FGF14: variants seen among roughly 807,000 people sequenced by gnomAD.
FGF14 encodes the protein fibroblast growth factor 14.
A neutral mutation model predicts 25.5 loss-of-function variants in FGF14; 5 were observed. That is an observed-to-expected ratio of 0.20 (90% CI 0.10 to 0.41). FGF14 has a LOEUF of 0.41. Among genes scored for constraint, FGF14 ranks in the 10% least tolerant of loss-of-function variants. The pLI is 1.00. For missense variants in FGF14, 222 were observed against 320.1 expected (o/e 0.69, Z 2.34); for synonymous variants, 138 against 118.3 (o/e 1.17, Z -1.08).
At chr13:101,759,256 G>A (rs758987059) in intron 3 of FGF14, among the ~76,000 whole-genome samples, 10 of 152,118 alleles carry the variant, frequency 6.6e-5, no homozygotes, top group Non-Finnish European at 1.2e-4. Flanking sequence ...CCAATGAGAT[G>A]CTCTCAACTG....
intron 3 of FGF14, among the ~76,000 whole-genome samples, chr13:101,827,456 G>C (rs920980513): frequency 4.0e-5 from 6 of 151,690 alleles, no homozygotes; most frequent in African/African-American, 1.5e-4. Context: ...AAAGTATAGT[G>C]TATCATCCTT....
At chr13:102,343,167 G>C (rs1304764897) in intron 1 of FGF14, among the ~76,000 whole-genome samples, 1 of 152,108 alleles carries the variant, frequency 6.6e-6, no homozygotes, top group African/African-American at 2.4e-5. Context: ...TAAGAGCTTA[G>C]AGTCAAAGAG....
intron 1 of FGF14, among the ~76,000 whole-genome samples, chr13:102,322,982 A>G (rs1254278897): frequency 1.3e-5 from 2 of 152,186 alleles, no homozygotes; most frequent in African/African-American, 4.8e-5. Flanking sequence ...TTTCTCACAA[A>G]TTGATCCTTA....
chr13:102,061,165 C>T (rs745740350), intron 1 of FGF14, among the ~76,000 whole-genome samples: 2 of 152,216 alleles, frequency 1.3e-5, no homozygotes, highest in Non-Finnish European at 2.9e-5. Context: ...TTATGTGACC[C>T]GATTTTTCCA....
At chr13:101,850,288 A>C (rs1321692743) in intron 3 of FGF14, among the ~76,000 whole-genome samples, 6,368 of 134,668 alleles carry the variant, frequency 0.047, 483 homozygotes, top group East Asian at 0.085. Context: ...CCAAAAAAAA[A>C]AAAAAAAAAA....
At chr13:101,961,037 A>T (rs936454048) in intron 1 of FGF14, among the ~76,000 whole-genome samples, 2 of 150,810 alleles carry the variant, frequency 1.3e-5, no homozygotes. Flanking sequence ...TTTTAATGGG[A>T]TTTTTTTGTA....
chr13:101,894,699 A>G (rs935238294), intron 1 of FGF14, among the ~76,000 whole-genome samples: 6 of 152,208 alleles, frequency 3.9e-5, no homozygotes, highest in Non-Finnish European at 7.3e-5. Flanking sequence ...CTAGCTTCCT[A>G]TCATGGTTTG....
intron 1 of FGF14, chr13:102,395,431 A>T (rs115625393): frequency 7.0e-4 from 107 of 152,288 alleles, no homozygotes; most frequent in African/African-American, 2.5e-3. Flanking sequence ...AGTAGACTAC[A>T]GGCCTTGAGA....
intron 1 of FGF14, among the ~76,000 whole-genome samples, chr13:102,374,146 C>T (rs2057965698): frequency 6.6e-6 from 1 of 152,068 alleles, no homozygotes; most frequent in African/African-American, 2.4e-5. Flanking sequence ...TTTGGATATA[C>T]AAATTAGGAA....
At chr13:101,815,062 A>T (rs917340581) in intron 3 of FGF14, among the ~76,000 whole-genome samples, 10 of 152,350 alleles carry the variant, frequency 6.6e-5, no homozygotes, top group Admixed American at 6.5e-4. Context: ...GCCTCATGCT[A>T]TCAAGTGGAA....
rs558751959 is a variant in FGF14, at chr13:102,088,156, T to C, written c.209-212860A>G. Among the ~76,000 whole-genome samples, 5 of 152,336 alleles carry C rather than the reference T, an allele frequency of 3.3e-5. No individual in the cohort carries two copies. In the East Asian group the frequency reaches 9.6e-4, roughly 29 times the overall value. On this transcript the variant is annotated intron_variant, in intron 1 of 4. Transcript: ENST00000376131. ...CTTTTTAGTAAGTGGGTTAGTTTCC[T>C]GTTCGGGTTCGTTTCTCTATGATAC...
At chr13:102,092,794 A>G (rs2044224649) in intron 1 of FGF14, among the ~76,000 whole-genome samples, 1 of 152,206 alleles carries the variant, frequency 6.6e-6, no homozygotes, top group Non-Finnish European at 1.5e-5. Context: ...GTTACCCTGG[A>G]GCACCCTAAC....
intron 1 of FGF14, among the ~76,000 whole-genome samples, chr13:102,039,630 T>C (rs528799785): frequency 7.9e-5 from 12 of 152,262 alleles, no homozygotes; most frequent in African/African-American, 2.6e-4. Flanking sequence ...CTTATAAAGA[T>C]AACAGTCATA....
At chr13:102,204,767 G>A (rs181030038) in intron 1 of FGF14, among the ~76,000 whole-genome samples, 36 of 152,004 alleles carry the variant, frequency 2.4e-4, no homozygotes, top group Non-Finnish European at 3.4e-4. Flanking sequence ...CGCTAGTCTC[G>A]AACTCCTGAC....
At chr13:101,821,325 C>G (rs1012528372) in intron 3 of FGF14, among the ~76,000 whole-genome samples, 1 of 152,102 alleles carries the variant, frequency 6.6e-6, no homozygotes, top group East Asian at 1.9e-4. Flanking sequence ...TTCTTTTTCT[C>G]CTTTTTATGT....
chr13:102,391,160 A>C (rs540757296), intron 1 of FGF14, among the ~76,000 whole-genome samples: 3 of 152,362 alleles, frequency 2.0e-5, no homozygotes, highest in African/African-American at 7.2e-5. Context: ...TTTGAAAAAC[A>C]TGACTAAAAA....
rs1047338036 is a variant in FGF14, at chr13:101,720,508, CAAAT to C, written c.*2319_*2322del. On this transcript the variant is annotated 3_prime_UTR_variant, in exon 5 of 5. Coordinates refer to ENST00000376143, the MANE Select transcript of FGF14 (RefSeq NM_004115.4). ...AGCAAGTAGGGCTAATTATCAGTAA[CAAAT>C]AGATGGGGGTGTTTGCTCTGTGTGT... 1 of 149,584 alleles carries C rather than the reference CAAAT, an allele frequency of 6.7e-6. No homozygotes were observed. The highest frequency in any genetic ancestry group is 2.5e-5 in the African/African-American group (1 of 40,362). The allele number at this position is 149,584 out of a possible 1,614,324, so 9.3% of individuals were successfully genotyped here.
chr13:102,205,222 A>G lies in FGF14; in HGVS notation c.208+196249T>C, dbSNP rs575659229. 8.3e-4 allele frequency among the ~76,000 whole-genome samples: 127 copies of G among 152,312 alleles called. 2 individuals are homozygous for G. In the Middle Eastern group the frequency reaches 0.017, roughly 20 times the overall value. ...ATGCACATGTGTTAACCTGGGAATTATTTAACTTCTATGAGCTTTGGTTTT... is the reference window on the plus strand; with the variant it reads ...ATGCACATGTGTTAACCTGGGAATTGTTTAACTTCTATGAGCTTTGGTTTT... On this transcript the variant is annotated intron_variant, in intron 1 of 4. Transcript: ENST00000376131.
At chr13:101,761,990 G>A (rs1594158327) in intron 3 of FGF14, among the ~76,000 whole-genome samples, 1 of 152,240 alleles carries the variant, frequency 6.6e-6, no homozygotes, top group South Asian at 2.1e-4. Flanking sequence ...TTTTGATTCT[G>A]CTGATTTTGA....
Sources: gnomAD v4.1 joint callset for allele counts (sites outside exome capture counted in the v4.1 genomes callset) on GRCh38, gnomAD v4.1.1 for gene constraint, MANE v1.5 for transcripts, NCBI Gene and HGNC (gene_info 2026-07-23, HGNC 2026-07-21) for gene names.